Variants in CAST observed in about 807,000 individuals in gnomAD.
The protein encoded by CAST is MIR583 host.
Under a neutral mutation model 119.6 loss-of-function variants are expected in CAST, and 76 were observed. The ratio of observed to expected loss-of-function variants is 0.64; its 90% CI spans 0.53 to 0.77. The LOEUF is 0.77. Among genes scored for constraint, CAST ranks in the 30% least tolerant of loss-of-function variants. The pLI, the probability that CAST is intolerant of heterozygous loss-of-function variation, is 0.00. For missense variants in CAST, 953 were observed against 946.5 expected (o/e 1.01, Z -0.09); for synonymous variants, 319 against 331.6 (o/e 0.96, Z 0.41).
At chr5:96,127,175 T>G in the CAST span, among the ~76,000 whole-genome samples, 3 of 152,110 alleles carry the variant, frequency 2.0e-5, no homozygotes, top group Non-Finnish European at 4.4e-5. Context: ...CCTCTGATAA[T>G]TTTACCTGAA....
At chr5:96,635,486 G>A (rs1747874796) in intron 1 of CAST, among the ~76,000 whole-genome samples, 1 of 152,180 alleles carries the variant, frequency 6.6e-6, no homozygotes, top group Admixed American at 6.5e-5. Context: ...TCTGGGTTGA[G>A]GCAGGATAAG....
At chr5:96,278,327 G>A in the CAST span, among the ~76,000 whole-genome samples, 1 of 152,190 alleles carries the variant, frequency 6.6e-6, no homozygotes, top group South Asian at 2.1e-4. Context: ...TGTGTGTGGT[G>A]AGGGGGTCAA....
At chr5:96,210,206 T>C in the CAST span, 12 of 152,116 alleles carry the variant, frequency 7.9e-5, no homozygotes, top group African/African-American at 2.9e-4. Flanking sequence ...AGTTTTAGTA[T>C]ATGTGCTGCC....
intron 1 of CAST, among the ~76,000 whole-genome samples, chr5:96,642,388 G>C (rs1747961364): frequency 6.6e-6 from 1 of 152,144 alleles, no homozygotes; most frequent in Admixed American, 6.5e-5. Context: ...AGAAGAAATA[G>C]CCTGGGGAAT....
At chr5:96,565,033 T>C (rs1361201324) in intron 1 of CAST, among the ~76,000 whole-genome samples, 2 of 151,568 alleles carry the variant, frequency 1.3e-5, no homozygotes, top group Non-Finnish European at 2.9e-5. Flanking sequence ...TAGATCAAAA[T>C]AAATAAATAT....
chr5:96,148,911 TCTTTA>T, the CAST span, among the ~76,000 whole-genome samples: 2 of 152,234 alleles, frequency 1.3e-5, no homozygotes, highest in African/African-American at 4.8e-5. Context: ...GAGCCTAGTG[TCTTTA>T]CTTGTAAAGT....
intron 3 of CAST, among the ~76,000 whole-genome samples, chr5:96,707,107 T>G (rs1026512376): frequency 2.0e-5 from 3 of 152,216 alleles, no homozygotes; most frequent in African/African-American, 7.2e-5. Context: ...ATTTTCTCAA[T>G]CTAGTTTCTA....
At chr5:96,580,891 G>C (rs1056293096) in intron 1 of CAST, among the ~76,000 whole-genome samples, 1 of 152,170 alleles carries the variant, frequency 6.6e-6, no homozygotes, top group Non-Finnish European at 1.5e-5. Flanking sequence ...GAGCCCTCAG[G>C]AACAGGATGA....
intron 1 of CAST, among the ~76,000 whole-genome samples, chr5:96,620,777 G>C (rs1373402429): frequency 2.0e-5 from 3 of 152,120 alleles, no homozygotes; most frequent in East Asian, 3.9e-4. Context: ...TAAATGTATT[G>C]GCATAGCTTT....
chr5:96,742,336 C>T, intron 15 of CAST: 1 of 202,230 alleles, frequency 4.9e-6, no homozygotes, highest in South Asian at 1.3e-4. Flanking sequence ...TTACTACTTG[C>T]TTCTTTTTTT....
intron 20 of CAST, among the ~76,000 whole-genome samples, chr5:96,753,419 C>T (rs1312196805): frequency 6.6e-6 from 1 of 152,220 alleles, no homozygotes; most frequent in Non-Finnish European, 1.5e-5. Flanking sequence ...CCTCTGTGTT[C>T]ACCAGTGTGA....
At chr5:96,016,510 A>C in the CAST span, among the ~76,000 whole-genome samples, 1 of 152,150 alleles carries the variant, frequency 6.6e-6, no homozygotes, top group African/African-American at 2.4e-5. Context: ...CCTTTCTCCT[A>C]TACTGCATCA....
At chr5:96,666,464 A>T (rs1749356100) in intron 1 of CAST, among the ~76,000 whole-genome samples, 2 of 152,246 alleles carry the variant, frequency 1.3e-5, no homozygotes, top group East Asian at 3.8e-4. Context: ...TGACAGCATG[A>T]TCAAGGAGCC....
chr5:96,399,894 C>A, the CAST span: 3 of 1,326,770 alleles, frequency 2.3e-6, no homozygotes, highest in African/African-American at 4.3e-5. Context: ...GAATGGCAAA[C>A]ATAGTAATGA....
chr5:96,082,395 A>C, the CAST span, among the ~76,000 whole-genome samples: 1 of 152,176 alleles, frequency 6.6e-6, no homozygotes, highest in African/African-American at 2.4e-5. Context: ...GCTGAGAAAA[A>C]GCAGGGCACG....
chr5:96,216,273 ATG>A, the CAST span, among the ~76,000 whole-genome samples: 6 of 152,308 alleles, frequency 3.9e-5, no homozygotes, highest in East Asian at 1.2e-3. Context: ...AAAAAATTAT[ATG>A]TGGATTTTCA....
chr5:96,348,633 A>T, the CAST span, among the ~76,000 whole-genome samples: 1 of 152,122 alleles, frequency 6.6e-6, no homozygotes, highest in Non-Finnish European at 1.5e-5. Context: ...GTCATTTGCT[A>T]AGAGTTCATG....
chr5:96,075,194 C>A, the CAST span, among the ~76,000 whole-genome samples: 1 of 152,144 alleles, frequency 6.6e-6, no homozygotes, highest in Non-Finnish European at 1.5e-5. Context: ...TTGTTTTGAT[C>A]TATATGTCTC....
intron 9 of CAST, among the ~76,000 whole-genome samples, chr5:96,732,927 A>C (rs1276247133): frequency 6.6e-6 from 1 of 152,236 alleles, no homozygotes; most frequent in African/African-American, 2.4e-5. Flanking sequence ...TGTAAAAGTA[A>C]TATAGATTTA....
Sources: gnomAD v4.1 joint callset for allele counts (sites outside exome capture counted in the v4.1 genomes callset) on GRCh38, gnomAD v4.1.1 for gene constraint, MANE v1.5 for transcripts, NCBI Gene and HGNC (gene_info 2026-07-23, HGNC 2026-07-21) for gene names.